Variants in UBQLN1 observed in about 807,000 individuals in gnomAD.
UBQLN1 encodes ubiquilin 1.
In UBQLN1, 13 loss-of-function variants were observed where a neutral mutation model predicts 65.4. The ratio of observed to expected loss-of-function variants is 0.20; its 90% CI spans 0.13 to 0.32. The LOEUF (loss-of-function observed/expected upper bound fraction) is 0.32. UBQLN1 is among the 10% of genes least tolerant of loss of function. UBQLN1 has a pLI of 1.00. For missense variants in UBQLN1, 561 were observed against 724.0 expected (o/e 0.77, Z 2.58); for synonymous variants, 267 against 247.8 (o/e 1.08, Z -0.73).
At position 83,707,766 on chromosome 9, in the gene UBQLN1, G is replaced by A. The variant is rs901542462; in HGVS notation, c.-87C>T. The A allele has an allele frequency of 2.6e-5, 38 of 1,455,260 alleles. No homozygotes were observed. The East Asian group carries it at 9.3e-4, about 35-fold the overall frequency. The allele number at this position is 1,455,260 out of a possible 1,614,324, so 90.1% of individuals were successfully genotyped here. ...GAGCCAGCAGACACCAGAGCCGGCA[G>A]GCCTGGACAGCGAAGAATGCAGAGC... On this transcript the variant is annotated 5_prime_UTR_variant, in exon 1 of 11. Transcript: ENST00000376395.
At position 83,660,456 on chromosome 9, in the gene UBQLN1, G is replaced by C. The variant is rs1831545328; in HGVS notation, c.*1331C>G. On this transcript the variant is annotated 3_prime_UTR_variant, in exon 11 of 11. Coordinates refer to ENST00000376395, the MANE Select transcript of UBQLN1 (RefSeq NM_013438.5). ...CCTAAAGGAATGTACCACCCCAACAGTTTGGGAGTTAGGCAAACAGAATTC... is the reference window on the plus strand; with the variant it reads ...CCTAAAGGAATGTACCACCCCAACACTTTGGGAGTTAGGCAAACAGAATTC... 1 of 152,560 alleles carries C rather than the reference G, an allele frequency of 6.6e-6. No homozygotes were observed. Among genetic ancestry groups the C allele is most frequent in the African/African-American group, 2.4e-5 (1 of 41,426 alleles). 9.5% of individuals were successfully genotyped at this position (152,560 alleles called of 1,614,324 possible).
At position 83,661,938 on chromosome 9, in the gene UBQLN1, A is replaced by C; in HGVS notation, c.1619T>G (p.Leu540Arg). 1 of 1,605,012 alleles carries C rather than the reference A, an allele frequency of 6.2e-7. No individual in the cohort carries two copies. Among genetic ancestry groups the C allele is most frequent in the Non-Finnish European group, 8.5e-7 (1 of 1,176,460 alleles). The part of the protein sequence containing the change: ...LQALAGVNPQ[L>R]QNPEVRFQQQ... ...CTGAAATCTGACTTCTGGATTCTGTAGCTATTAAAGAAAAAAAAAATTAAT... is the reference window on the plus strand; with the variant it reads ...CTGAAATCTGACTTCTGGATTCTGTCGCTATTAAAGAAAAAAAAAATTAAT... The change falls in exon 11 of 11, where the codon CTA (leucine) becomes CGA (arginine). Residue 540 changes from leucine to arginine, a missense_variant and splice_region_variant. Around this residue, in one of 8 missense-constraint regions of UBQLN1, gnomAD observed 68 missense variants for 62.2 expected, o/e 1.09. Transcript: ENST00000376395.
chr9:83,706,763 C>T (rs1587668759), intron 1 of UBQLN1, among the ~76,000 whole-genome samples: 1 of 152,138 alleles, frequency 6.6e-6, no homozygotes, highest in Admixed American at 6.5e-5. Flanking sequence ...CCGCTAATAT[C>T]AACATCGCTA....
At chr9:83,699,094 G>A (rs1587663447) in intron 1 of UBQLN1, among the ~76,000 whole-genome samples, 1 of 152,258 alleles carries the variant, frequency 6.6e-6, no homozygotes, top group East Asian at 1.9e-4. Context: ...TAGAGGTGGG[G>A]GAATGGGGAA....
Position 83,707,895 on chromosome 9 carries a change from G to T in UBQLN1, c.-216C>A, listed in dbSNP as rs995809036. ...GGCCCGGGTCAGGCGCTCGGCAGCC[G>T]CCGTGTGTTCAGGCGCCGCTCGCTC... On this transcript the variant is annotated 5_prime_UTR_variant, in exon 1 of 11. Transcript: ENST00000376395. 6.6e-6 allele frequency: 4 copies of T among 605,200 alleles called. No homozygotes were observed. Among genetic ancestry groups the T allele is most frequent in the Non-Finnish European group, 1.1e-5 (4 of 377,570 alleles). 37.5% of individuals were successfully genotyped at this position (605,200 alleles called of 1,614,324 possible). A position where few individuals can be genotyped will look rare whatever the true frequency, so the allele number is the denominator to read the frequency against.
intron 7 of UBQLN1, chr9:83,666,982 G>A (rs1454514908): frequency 1.3e-5 from 2 of 152,316 alleles, no homozygotes; most frequent in Non-Finnish European, 2.9e-5. Flanking sequence ...CAACTTGCCA[G>A]AGAAATGGAG....
At chr9:83,699,855 T>C (rs1334784860) in intron 1 of UBQLN1, among the ~76,000 whole-genome samples, 2 of 152,206 alleles carry the variant, frequency 1.3e-5, no homozygotes, top group Non-Finnish European at 2.9e-5. Flanking sequence ...CACAATAGAT[T>C]TCGACTACCA....
At chr9:83,692,719 G>A (rs1318251533) in intron 1 of UBQLN1, among the ~76,000 whole-genome samples, 2 of 152,120 alleles carry the variant, frequency 1.3e-5, no homozygotes, top group African/African-American at 4.8e-5. Context: ...AGGCATGGTG[G>A]CAAATGCCTG....
intron 6 of UBQLN1, among the ~76,000 whole-genome samples, chr9:83,675,684 T>C (rs1388828619): frequency 6.6e-6 from 1 of 152,244 alleles, no homozygotes; most frequent in Non-Finnish European, 1.5e-5. Flanking sequence ...AACAACATTA[T>C]CTAATGGAAT....
chr9:83,699,404 C>G (rs1832274591), intron 1 of UBQLN1, among the ~76,000 whole-genome samples: 1 of 152,162 alleles, frequency 6.6e-6, no homozygotes, highest in Admixed American at 6.5e-5. Context: ...TGCTGCGGTG[C>G]AATCATAGCT....
At chr9:83,701,569 T>G (rs151314851) in intron 1 of UBQLN1, among the ~76,000 whole-genome samples, 3 of 152,048 alleles carry the variant, frequency 2.0e-5, no homozygotes, top group African/African-American at 7.2e-5. Flanking sequence ...TTCCTCAGAG[T>G]GCCCCCAGCA....
rs954647429 is a variant in UBQLN1, at chr9:83,666,386, T to C, written c.1296A>G (p.Glu432=). The C allele has an allele frequency of 6.2e-7, 1 of 1,613,854 alleles. No individual in the cohort carries two copies. Among genetic ancestry groups the C allele is most frequent in the African/African-American group, 1.3e-5 (1 of 74,930 alleles). The part of the protein sequence containing the change: ...PLFAGNPQLQ[E]QMRQQLPTFL... ...AAGTTGGGAGCTGTTGTCTCATTTGTTCTTGAAGCTGAGGATTTCCAGCAA... is the reference window on the plus strand; with the variant it reads ...AAGTTGGGAGCTGTTGTCTCATTTGCTCTTGAAGCTGAGGATTTCCAGCAA... Residue 432 remains glutamate (E), a synonymous_variant, in exon 8 of 11, where the codon GAA becomes GAG. Coordinates refer to ENST00000376395, the MANE Select transcript of UBQLN1 (RefSeq NM_013438.5).
intron 4 of UBQLN1, 68 bp downstream of exon 4, chr9:83,679,707 A>G: frequency 6.5e-7 from 1 of 1,527,630 alleles, no homozygotes; most frequent in Admixed American, 1.7e-5. Flanking sequence ...AATCTCATTA[A>G]CCACAGAAAA....
At chr9:83,667,529 A>G in intron 7 of UBQLN1, 1 of 985,464 alleles carries the variant, frequency 1.0e-6, no homozygotes, top group Non-Finnish European at 1.2e-6. Context: ...TACAGTATTT[A>G]TTTCAAAGTG....
intron 6 of UBQLN1, among the ~76,000 whole-genome samples, chr9:83,670,663 C>A (rs79903988): frequency 6.6e-6 from 1 of 152,144 alleles, no homozygotes; most frequent in Non-Finnish European, 1.5e-5. Flanking sequence ...AATAAGACAA[C>A]GATGAAGTTT....
At position 83,661,670 on chromosome 9, in the gene UBQLN1, G is replaced by T; in HGVS notation, c.*117C>A. 9.0e-7 allele frequency: 1 copy of T among 1,117,196 alleles called. No individual in the cohort carries two copies. Among genetic ancestry groups the T allele is most frequent in the Non-Finnish European group, 1.2e-6 (1 of 806,568 alleles). 69.2% of individuals were successfully genotyped at this position (1,117,196 alleles called of 1,614,324 possible). On this transcript the variant is annotated 3_prime_UTR_variant, in exon 11 of 11. Transcript: ENST00000376395. ...ACTCCACCTTAAAATGCATCATATT[G>T]GGTTTGTTTATAACAGCACAGAATT...
intron 1 of UBQLN1, among the ~76,000 whole-genome samples, chr9:83,706,385 A>C (rs750716408): frequency 6.6e-6 from 1 of 152,238 alleles, no homozygotes; most frequent in Non-Finnish European, 1.5e-5. Flanking sequence ...AAGCACTGGG[A>C]GACAAAAACA....
At chr9:83,699,121 T>G (rs1832269587) in intron 1 of UBQLN1, among the ~76,000 whole-genome samples, 1 of 152,022 alleles carries the variant, frequency 6.6e-6, no homozygotes, top group Admixed American at 6.6e-5. Context: ...GAGTTACTGT[T>G]TAAACGGTCC....
chr9:83,698,146 A>G (rs1303736866), intron 1 of UBQLN1, among the ~76,000 whole-genome samples: 1 of 152,214 alleles, frequency 6.6e-6, no homozygotes, highest in East Asian at 1.9e-4. Context: ...CCTGCAATAA[A>G]TATTGGCCAT....
Sources: allele counts gnomAD v4.1 joint callset (sites outside exome capture counted in the v4.1 genomes callset), GRCh38; gene constraint gnomAD v4.1.1; regional missense constraint gnomAD v4.1.1; transcripts MANE v1.5; gene names NCBI Gene and HGNC (gene_info 2026-07-23, HGNC 2026-07-21).